The following NALCN variants were observed in gnomAD, a reference collection of about 807,000 sequenced individuals.
The protein encoded by NALCN is sodium leak channel NALCN.
In NALCN, 111 loss-of-function variants were observed where a neutral mutation model predicts 225.3. The observed-to-expected ratio is 0.49, with a 90% CI of 0.42 to 0.58. The LOEUF (loss-of-function observed/expected upper bound fraction) is 0.58. Ranked by LOEUF, NALCN falls within the 20% of genes least tolerant of loss-of-function variation. NALCN has a pLI of 0.00. For synonymous variants in NALCN, 764 were observed against 769.0 expected (o/e 0.99, Z 0.11); for missense variants, 1,378 against 2,202.4 (o/e 0.63, Z 7.49).
chr13:101,256,648 C>T (rs1327297603), intron 11 of NALCN, among the ~76,000 whole-genome samples: 1 of 152,122 alleles, frequency 6.6e-6, no homozygotes, highest in Non-Finnish European at 1.5e-5. Flanking sequence ...TGGATGCAGA[C>T]CTTGCTTCCT....
chr13:101,383,931 T>C (rs1042405876), intron 3 of NALCN, among the ~76,000 whole-genome samples: 4 of 152,216 alleles, frequency 2.6e-5, no homozygotes, highest in Admixed American at 6.5e-5. Context: ...TTATCAATAA[T>C]TGCTAAGGCA....
chr13:101,068,086 T>C lies in NALCN; in HGVS notation c.4331-53A>G, dbSNP rs201759657. 337 of 1,114,642 alleles carry C rather than the reference T, an allele frequency of 3.0e-4. No individual in the cohort carries two copies. The highest frequency in any genetic ancestry group is 4.1e-4 in the Non-Finnish European group (311 of 764,764). The allele number at this position is 1,114,642 out of a possible 1,614,324, so 69.0% of individuals were successfully genotyped here. ...TAGACCATTATGCTAATCTGTCATATTTTAGAAAGAGTAAAACATCTATTA... is the reference window on the plus strand; with the variant it reads ...TAGACCATTATGCTAATCTGTCATACTTTAGAAAGAGTAAAACATCTATTA... On this transcript the variant is annotated intron_variant, in intron 38 of 43. Transcript: ENST00000251127.
rs186479107 is a variant in NALCN, at chr13:101,106,246, A to G, written c.2579+1241T>C. Among the ~76,000 whole-genome samples the G allele has an allele frequency of 4.6e-5, 7 of 152,202 alleles. No individual in the cohort carries two copies. The East Asian group carries it at 9.7e-4, about 21-fold the overall frequency. On this transcript the variant is annotated intron_variant, in intron 22 of 43. Coordinates refer to ENST00000251127, the MANE Select transcript of NALCN (RefSeq NM_052867.4). ...GATTAGGGCCCACCCTAATGATCTCATTTTAATTAACCTGTTTAAAATTCC... is the reference window on the plus strand; with the variant it reads ...GATTAGGGCCCACCCTAATGATCTCGTTTTAATTAACCTGTTTAAAATTCC...
At chr13:101,388,723 C>T (rs61973729) in intron 3 of NALCN, among the ~76,000 whole-genome samples, 52,064 of 152,050 alleles carry the variant, frequency 0.34, 9,330 homozygotes, top group African/African-American at 0.42. Context: ...ATGTGAAATC[C>T]AAGTCTTTAT....
At chr13:101,245,705 C>A (rs1358749573) in intron 11 of NALCN, among the ~76,000 whole-genome samples, 1 of 136,968 alleles carries the variant, frequency 7.3e-6, no homozygotes, top group African/African-American at 2.5e-5. Context: ...GAACCTAAGT[C>A]CATTTCACAC....
At chr13:101,068,559 T>C in intron 38 of NALCN, 136 bp downstream of exon 38, 1 of 933,374 alleles carries the variant, frequency 1.1e-6, no homozygotes, top group Non-Finnish European at 1.5e-6. Flanking sequence ...AGCTTCTGGA[T>C]TGAGAGACAA....
At chr13:101,386,264 T>C (rs1401261657) in intron 3 of NALCN, among the ~76,000 whole-genome samples, 1 of 152,160 alleles carries the variant, frequency 6.6e-6, no homozygotes, top group Non-Finnish European at 1.5e-5. Flanking sequence ...TATAAATTAG[T>C]GAAAGAGAAG....
rs561308399 is a variant in NALCN at position 101,086,849 on chromosome 13, T to C, written c.3489+2814A>G. ...TCTTTAGTACATCATTTATTCCCAA[T>C]AATAGTGTTTGTTTAAAATTGTTCT... On this transcript the variant is annotated intron_variant, in intron 30 of 43. Transcript: ENST00000251127. Among the ~76,000 whole-genome samples, 19 of 152,272 alleles carry C rather than the reference T, an allele frequency of 1.2e-4. No homozygotes were observed. In the East Asian group the frequency reaches 3.5e-3, roughly 28 times the overall value.
chr13:101,348,855 G>C (rs770338124), intron 6 of NALCN, among the ~76,000 whole-genome samples: 35 of 152,030 alleles, frequency 2.3e-4, no homozygotes, highest in East Asian at 2.1e-3. Flanking sequence ...AAAACCACAA[G>C]GTAATTACTG....
chr13:101,062,687 T>G (rs1335800693), intron 40 of NALCN, among the ~76,000 whole-genome samples: 4 of 152,182 alleles, frequency 2.6e-5, no homozygotes, highest in Admixed American at 2.0e-4. Flanking sequence ...CACTGCAACC[T>G]CCGCCTCCTG....
chr13:101,317,419 A>C (rs914156431), intron 7 of NALCN, among the ~76,000 whole-genome samples: 3 of 152,178 alleles, frequency 2.0e-5, no homozygotes, highest in Non-Finnish European at 2.9e-5. Context: ...GCCAATCTCC[A>C]TCTGAAAAGT....
At chr13:101,111,489 C>T (rs989361233) in intron 18 of NALCN, among the ~76,000 whole-genome samples, 12 of 152,272 alleles carry the variant, frequency 7.9e-5, no homozygotes, top group Admixed American at 3.3e-4. Flanking sequence ...CTGCCTCCTC[C>T]CTCCTTTCCA....
At chr13:101,168,949 C>T (rs1471737263) in intron 15 of NALCN, among the ~76,000 whole-genome samples, 2 of 152,168 alleles carry the variant, frequency 1.3e-5, no homozygotes, top group East Asian at 1.9e-4. Flanking sequence ...TTCCTCCAAC[C>T]CTCTTCACCT....
chr13:101,278,282 T>C (rs1017873387), intron 10 of NALCN, among the ~76,000 whole-genome samples: 2 of 152,162 alleles, frequency 1.3e-5, no homozygotes, highest in African/African-American at 4.8e-5. Context: ...CCCAGCACTT[T>C]GGGAGGCCGA....
intron 26 of NALCN, among the ~76,000 whole-genome samples, chr13:101,102,239 C>T (rs757262949): frequency 4.6e-5 from 7 of 151,518 alleles, no homozygotes; most frequent in Admixed American, 2.0e-4. Context: ...GCTGAGATTG[C>T]GCCATTGCAC....
rs142050098 is a variant in NALCN, at chr13:101,191,744, G to A, written c.1764+173C>T. Among the ~76,000 whole-genome samples, 718 of 152,272 alleles carry A rather than the reference G, an allele frequency of 4.7e-3. 8 individuals are homozygous for A. The highest frequency in any genetic ancestry group is 0.017 in the African/African-American group (699 of 41,560). ...GAAAATATCTAACTTAACAAATCAA[G>A]CAGTTCTTTGATGTGTAGAAACTTA... On this transcript the variant is annotated intron_variant, in intron 14 of 43. Transcript: ENST00000251127.
chr13:101,203,937 T>C (rs373611961), intron 13 of NALCN, among the ~76,000 whole-genome samples: 5 of 152,210 alleles, frequency 3.3e-5, no homozygotes, highest in Non-Finnish European at 4.4e-5. Context: ...ACAGTAAAAA[T>C]TGCAGTTGGC....
intron 1 of NALCN, among the ~76,000 whole-genome samples, chr13:101,412,130 T>A (rs2047807125): frequency 6.6e-6 from 1 of 152,240 alleles, no homozygotes; most frequent in African/African-American, 2.4e-5. Flanking sequence ...TTTTATTAAT[T>A]GTTTTGGTAC....
chr13:101,102,305 A>G (rs776423971), intron 26 of NALCN, among the ~76,000 whole-genome samples: 1 of 152,088 alleles, frequency 6.6e-6, no homozygotes, highest in Non-Finnish European at 1.5e-5. Flanking sequence ...AAAAAAAGTC[A>G]GTAATGATAT....
Sources: allele counts gnomAD v4.1 joint callset (sites outside exome capture counted in the v4.1 genomes callset), GRCh38; gene constraint gnomAD v4.1.1; transcripts MANE v1.5; gene names NCBI Gene and HGNC (gene_info 2026-07-23, HGNC 2026-07-21).